Variants in ANKHD1 observed in about 807,000 individuals in gnomAD.
ANKHD1 encodes the protein ankyrin repeat and KH domain-containing protein 1.
In ANKHD1, 31 loss-of-function variants were observed where a neutral mutation model predicts 230.5. That is an observed-to-expected ratio of 0.13 (90% CI 0.10 to 0.18). The LOEUF is 0.18. Ranked by LOEUF, ANKHD1 falls within the 10% of genes least tolerant of loss-of-function variation. The pLI, the probability that ANKHD1 is intolerant of heterozygous loss-of-function variation, is 1.00. For missense variants in ANKHD1, 2,256 were observed against 3,071.3 expected (o/e 0.73, Z 6.27); for synonymous variants, 1,074 against 1,117.6 (o/e 0.96, Z 0.78).
intron 10 of ANKHD1, among the ~76,000 whole-genome samples, chr5:140,469,440 G>A (rs1481736255): frequency 1.3e-5 from 2 of 151,910 alleles, no homozygotes; most frequent in African/African-American, 4.8e-5. Flanking sequence ...CCAGGAAGCG[G>A]AGGTTGTAGT....
intron 3 of ANKHD1, among the ~76,000 whole-genome samples, chr5:140,439,312 T>G (rs1773676826): frequency 1.3e-5 from 2 of 152,084 alleles, no homozygotes; most frequent in African/African-American, 4.8e-5. Flanking sequence ...TACAGGGGTG[T>G]CCAAATTTTG....
At position 140,485,343 on chromosome 5, in the gene ANKHD1, G is replaced by A; in HGVS notation, c.1998+95G>A. 2.7e-6 allele frequency: 4 copies of A among 1,469,828 alleles called. No homozygotes were observed. The highest frequency in any genetic ancestry group is 3.6e-6 in the Non-Finnish European group (4 of 1,109,798). The allele number at this position is 1,469,828 out of a possible 1,614,324, so 91.0% of individuals were successfully genotyped here. A position where few individuals can be genotyped will look rare whatever the true frequency, so the allele number is the denominator to read the frequency against. ...AAGCTGAGGCGGGTGGATCACTTGA[G>A]CCCAGGAGTTTGAGACTAGTCTAGG... is the stretch of plus-strand genomic sequence containing the variant. On this transcript the variant is annotated intron_variant, in intron 12 of 33. Coordinates refer to ENST00000360839, the MANE Select transcript of ANKHD1 (RefSeq NM_017747.3). This position sits in a 1 kb window ranked among gnomAD's most constrained non-coding sequence, Gnocchi z 4.8.
chr5:140,537,864 C>T (rs1754150461), intron 31 of ANKHD1, among the ~76,000 whole-genome samples: 1 of 152,100 alleles, frequency 6.6e-6, no homozygotes, highest in Non-Finnish European at 1.5e-5. Flanking sequence ...TCAGAGAGTA[C>T]TTAATCTTTT....
At chr5:140,531,454 G>C (rs1753814078) in intron 29 of ANKHD1, 3 of 225,650 alleles carry the variant, frequency 1.3e-5, no homozygotes, top group South Asian at 1.2e-4. Flanking sequence ...GATGGTGCAG[G>C]TCTGTAGTCC....
At chr5:140,524,569 A>C (rs1034087468) in intron 25 of ANKHD1, among the ~76,000 whole-genome samples, 1 of 152,174 alleles carries the variant, frequency 6.6e-6, no homozygotes, top group African/African-American at 2.4e-5. Flanking sequence ...TCTCCTGATT[A>C]GAAGTAAAAT....
intron 30 of ANKHD1, chr5:140,536,962 A>C (rs1412833400): frequency 2.6e-5 from 4 of 152,996 alleles, no homozygotes; most frequent in South Asian, 2.0e-4. Context: ...CAAAGGTTGC[A>C]GTGAGCCAAG....
chr5:140,403,973 A>G (rs1770206422), intron 1 of ANKHD1, among the ~76,000 whole-genome samples: 1 of 152,206 alleles, frequency 6.6e-6, no homozygotes, highest in Non-Finnish European at 1.5e-5. Context: ...ACCTTAGTAC[A>G]TTCTGACCCT....
chr5:140,421,781 T>C (rs1362922277), intron 1 of ANKHD1, among the ~76,000 whole-genome samples: 1 of 152,220 alleles, frequency 6.6e-6, no homozygotes, highest in Non-Finnish European at 1.5e-5. Flanking sequence ...TATATTTTGG[T>C]ACCTGTCTTA....
chr5:140,463,202 A>G (rs1295548702), intron 9 of ANKHD1, among the ~76,000 whole-genome samples: 1 of 152,228 alleles, frequency 6.6e-6, no homozygotes, highest in East Asian at 1.9e-4. Flanking sequence ...ATTTAAATAT[A>G]TAAGATGGCC....
intron 5 of ANKHD1, among the ~76,000 whole-genome samples, chr5:140,441,773 C>G (rs1479881037): frequency 6.6e-6 from 1 of 151,834 alleles, no homozygotes; most frequent in Non-Finnish European, 1.5e-5. Context: ...CTGCTCTTGC[C>G]ACAGGGGGCA....
intron 14 of ANKHD1, 80 bp from the exon 15 acceptor site, chr5:140,496,437 GGTT>G (rs1752039736): frequency 5.3e-6 from 7 of 1,321,552 alleles, no homozygotes; most frequent in Non-Finnish European, 6.0e-6. Context: ...AGGGGAGGCT[GGTT>G]TTCTTTTTTT....
rs1448136134 is a variant in ANKHD1 at position 140,528,810 on chromosome 5, C to T, written c.5864C>T (p.Pro1955Leu). ...CTGTGTGTCACTAATACCCGGACTC[C>T]TTCATCAGTCAGAAAGCAGTTGTTT... ...QQLCVTNTRT[P>L]SSVRKQLFAC... The change falls in exon 29 of 34, where the codon CCT becomes CTT. Residue 1955 changes from proline to leucine, a missense_variant. Physicochemically the swap from Pro to Leu is moderately conservative, Grantham distance 98 (BLOSUM62 -3). Around this residue, in one of 13 missense-constraint regions of ANKHD1, gnomAD observed 778 missense variants for 966.5 expected, o/e 0.80. Transcript: ENST00000360839. 6.2e-7 allele frequency: 1 copy of T among 1,614,082 alleles called. No homozygotes were observed. The highest frequency in any genetic ancestry group is 8.5e-7 in the Non-Finnish European group (1 of 1,180,038).
At chr5:140,537,029 A>G (rs1171985402) in intron 30 of ANKHD1, 1 of 160,822 alleles carries the variant, frequency 6.2e-6, no homozygotes, top group Non-Finnish European at 1.3e-5. Flanking sequence ...CTCAAAAAAA[A>G]AAAAAAAAGT....
chr5:140,404,045 A>G (rs1054082292), intron 1 of ANKHD1, among the ~76,000 whole-genome samples: 2 of 152,244 alleles, frequency 1.3e-5, no homozygotes, highest in African/African-American at 4.8e-5. Flanking sequence ...TTGAATGTCT[A>G]CGTCTTTGAA....
At chr5:140,497,877 C>CCA (rs36224738) in intron 15 of ANKHD1, among the ~76,000 whole-genome samples, 14,795 of 144,368 alleles carry the variant, frequency 0.1, 755 homozygotes, top group Non-Finnish European at 0.11. Flanking sequence ...CCACACCACA[C>CCA]CACACACACA....
intron 25 of ANKHD1, 29 bp downstream of exon 25, chr5:140,524,269 T>TAA (rs769291312): frequency 6.5e-7 from 1 of 1,537,958 alleles, no homozygotes; most frequent in African/African-American, 1.4e-5. Flanking sequence ...GAATTAACGA[T>TAA]AAAATTCTCC....
chr5:140,537,603 G>GCT lies in ANKHD1; in HGVS notation c.7228+23_7228+24dup. 1.3e-6 allele frequency: 2 copies of GCT among 1,543,004 alleles called. No individual in the cohort carries two copies. Among genetic ancestry groups the GCT allele is most frequent in the Middle Eastern group, 1.8e-4 (1 of 5,702 alleles). ...ATGCTGTGTCAGGTACAATTGCCTT[G>GCT]CTCTCTCTCTGGAGGGATATCTTAA... is the stretch of plus-strand genomic sequence containing the variant. On this transcript the variant is annotated intron_variant, in intron 31 of 33. Transcript: ENST00000360839.
chr5:140,537,677 C>CA (rs755244007), intron 31 of ANKHD1, 88 bp downstream of exon 31: 19 of 1,447,818 alleles, frequency 1.3e-5, no homozygotes, highest in Middle Eastern at 3.7e-4. Flanking sequence ...AAAAAACAAA[C>CA]AAAAAAAACT....
Position 140,510,122 on chromosome 5 carries a change from G to A in ANKHD1, c.4045G>A (p.Ala1349Thr). 1 of 1,614,026 alleles carries A rather than the reference G, an allele frequency of 6.2e-7. No homozygotes were observed. Among genetic ancestry groups the A allele is most frequent in the Non-Finnish European group, 8.5e-7 (1 of 1,179,936 alleles). The change falls in exon 22 of 34, where the codon GCT (alanine) becomes ACT (threonine). Residue 1349 changes from alanine (A) to threonine (T), a missense_variant. Physicochemically the swap from Ala to Thr is moderately conservative, Grantham distance 58. Coordinates refer to ENST00000360839, the MANE Select transcript of ANKHD1 (RefSeq NM_017747.3). Reference protein sequence around the residue: ...DVVQLLVQAGADVDAADNRKI... With the variant: ...DVVQLLVQAGTDVDAADNRKI... The stretch of plus-strand genomic sequence containing the variant: ...TGTGCAGTTGCTAGTGCAAGCAGGT[G>A]CTGATGTGGATGCAGCAGATAACCG...
Sources: gnomAD v4.1 joint callset for allele counts (sites outside exome capture counted in the v4.1 genomes callset) on GRCh38, gnomAD v4.1.1 for gene constraint, gnomAD v4.1.1 regional missense constraint, Gnocchi (gnomAD v3.1) non-coding constraint, MANE v1.5 for transcripts, NCBI Gene and HGNC (gene_info 2026-07-23, HGNC 2026-07-21) for gene names.